C16orf95: variants seen among roughly 807,000 people sequenced by gnomAD.
C16orf95 encodes chromosome 16 open reading frame 95, also known as uncharacterized protein C16orf95.
In C16orf95, 41 loss-of-function variants were observed where a neutral mutation model predicts 32.1. The observed-to-expected ratio is 1.28, with a 90% CI of 1.00 to 1.66. The LOEUF is 1.66. C16orf95 is among the 40% of genes most tolerant of loss of function. The pLI, the probability that C16orf95 is intolerant of heterozygous loss-of-function variation, is 0.00. For synonymous variants in C16orf95, 147 were observed against 128.9 expected, an observed-to-expected ratio of 1.14 and a Z score of -0.95; for missense variants, 399 against 325.9, an observed-to-expected ratio of 1.22 and a Z score of -1.73.
At chr16:87,312,301 G>A (rs1911316374) in intron 3 of C16orf95, among the ~76,000 whole-genome samples, 1 of 152,196 alleles carries the variant, frequency 6.6e-6, no homozygotes, top group Admixed American at 6.5e-5. Flanking sequence ...GGGAGCAGTG[G>A]CTCATGCCAA....
At chr16:87,310,525 C>G (rs1911233339) in intron 4 of C16orf95, among the ~76,000 whole-genome samples, 192 bp from the exon 5 acceptor site, 1 of 152,210 alleles carries the variant, frequency 6.6e-6, no homozygotes, top group African/African-American at 2.4e-5. Context: ...AAACCAGCAA[C>G]TGGAAGTCAG....
Position 87,305,626 on chromosome 16 carries a change from A to T in C16orf95, c.701+93T>A. On this transcript the variant is annotated intron_variant, in intron 6 of 6. Coordinates refer to ENST00000567970, the MANE Select transcript of C16orf95 (RefSeq NM_001195124.3). This position sits in a 1 kb window ranked among gnomAD's most constrained non-coding sequence, Gnocchi z 4.2. ...CCTGTCAAGTTAAGCCCCACCCCCC[A>T]CTCTTCCACATCCCTGATGGCCACC... is the stretch of plus-strand genomic sequence containing the variant. The T allele has an allele frequency of 8.6e-7, 1 of 1,164,794 alleles. No individual in the cohort carries two copies. The highest frequency in any genetic ancestry group is 1.2e-6 in the Non-Finnish European group (1 of 861,594). 72.2% of individuals were successfully genotyped at this position (1,164,794 alleles called of 1,614,324 possible).
chr16:87,309,786 T>C (rs1006437596), intron 5 of C16orf95, among the ~76,000 whole-genome samples: 1 of 152,210 alleles, frequency 6.6e-6, no homozygotes, highest in Non-Finnish European at 1.5e-5. Flanking sequence ...ATCATGAACA[T>C]GTGAATGTAC....
At chr16:87,310,377 C>G (rs1353368531) in intron 4 of C16orf95, 44 bp from the exon 5 acceptor site, 1 of 1,533,222 alleles carries the variant, frequency 6.5e-7, no homozygotes, top group South Asian at 1.2e-5. Context: ...TGGCGACCCT[C>G]CAAGGGGGAA....
At chr16:87,306,441 G>C (rs1911035179) in intron 5 of C16orf95, among the ~76,000 whole-genome samples, 2 of 152,120 alleles carry the variant, frequency 1.3e-5, no homozygotes, top group Admixed American at 6.6e-5. Flanking sequence ...CTGGATACTA[G>C]AGTTTGTTTT....
chr16:87,316,332 G>A (rs1328066791), intron 1 of C16orf95, among the ~76,000 whole-genome samples: 1 of 152,180 alleles, frequency 6.6e-6, no homozygotes, highest in African/African-American at 2.4e-5. Context: ...CACAGCCTGT[G>A]TGGCTCTTCC....
In C16orf95 at chr16:87,305,844, C is replaced by T. The variant is rs141912735; in HGVS notation, c.576G>A (p.Leu192=). 22,914 of 1,483,524 alleles carry T rather than the reference C, an allele frequency of 0.015. 200 individuals carry two copies. Among genetic ancestry groups the T allele is most frequent in the Non-Finnish European group, 0.019 (21,018 of 1,123,156 alleles). The allele number at this position is 1,483,524 out of a possible 1,614,324, so 91.9% of individuals were successfully genotyped here. A position where few individuals can be genotyped will look rare whatever the true frequency, so the allele number is the denominator to read the frequency against. The change falls in exon 6 of 7, where the codon CTG becomes CTA. Residue 192 remains leucine, a synonymous_variant. Transcript: ENST00000567970. The surrounding 1 kb of genome is among the most constrained non-coding windows in gnomAD (Gnocchi z 4.2). ...NCWRICGDEC[L]LSKFQQLQAP... Reference sequence around the variant, plus strand: ...CCTGGAGCTGCTGGAACTTGGACAACAGGCACTCATCACCGCAGATCCGCC... The same window carrying T: ...CCTGGAGCTGCTGGAACTTGGACAATAGGCACTCATCACCGCAGATCCGCC...
chr16:87,309,757 G>C (rs376636905), intron 5 of C16orf95, among the ~76,000 whole-genome samples: 1 of 152,134 alleles, frequency 6.6e-6, no homozygotes, highest in African/African-American at 2.4e-5. Context: ...ATACATGAAT[G>C]TGAGTATATA....
chr16:87,303,073 T>C lies in C16orf95; in HGVS notation c.704A>G (p.Gln235Arg). The C allele has an allele frequency of 1.3e-6, 2 of 1,536,084 alleles. No individual in the cohort carries two copies. Among genetic ancestry groups the C allele is most frequent in the Non-Finnish European group, 1.7e-6 (2 of 1,146,884 alleles). ...AIPRVIMAIR[Q>R]CFGV ...ATTCCAACTTCAAACCCCAAAACAC[T>C]GGCTGGAAAGCAAAGAGAGACAGTT... The change falls in exon 7 of 7, where the codon CAG becomes CGG. Residue 235 changes from glutamine (Q) to arginine (R), a missense_variant and splice_region_variant. Gln to Arg is a conservative substitution (Grantham distance 43, BLOSUM62 1). Coordinates refer to ENST00000567970, the MANE Select transcript of C16orf95 (RefSeq NM_001195124.3).
intron 4 of C16orf95, among the ~76,000 whole-genome samples, chr16:87,310,685 C>T (rs1415061003): frequency 6.6e-6 from 1 of 152,166 alleles, no homozygotes; most frequent in Non-Finnish European, 1.5e-5. Flanking sequence ...AGGCCATCTA[C>T]TGGTGGTCCG....
rs986821096 is a variant in C16orf95 at position 87,317,132 on chromosome 16, C to T, written c.111G>A (p.Gly37=). 1.6e-5 allele frequency: 24 copies of T among 1,533,784 alleles called. No individual in the cohort carries two copies. The highest frequency in any genetic ancestry group is 2.0e-5 in the Non-Finnish European group (23 of 1,145,654). Residue 37 remains glycine, a synonymous_variant, in exon 1 of 7, where the codon GGG becomes GGA. Transcript: ENST00000567970. ...AAGGPGAGCV[G]LCRLALTPSA... is the part of the protein sequence containing the mutation. Reference sequence around the variant, plus strand: ...TGGGTGTGAGTGCCAACCTGCAGAGCCCGACGCACCCCGCGCCCGGCCCCC... The same window carrying T: ...TGGGTGTGAGTGCCAACCTGCAGAGTCCGACGCACCCCGCGCCCGGCCCCC...
chr16:87,306,572 A>C (rs1398719132), intron 5 of C16orf95, among the ~76,000 whole-genome samples: 1 of 152,224 alleles, frequency 6.6e-6, no homozygotes, highest in Non-Finnish European at 1.5e-5. Context: ...AGAGGAGAAA[A>C]GCACCTAAGT....
Position 87,317,189 on chromosome 16 carries a change from C to T in C16orf95, c.54G>A (p.Glu18=), listed in dbSNP as rs1213603721. ...CAGCGCCTGAGGCTGCTCCAGTGGC[C>T]TCATGATGATGGTGACAACGCCGCG... is the stretch of plus-strand genomic sequence containing the variant. ...PSPRRCHHHH[E]ATGAASGAAA... The change falls in exon 1 of 7, where the codon GAG becomes GAA. Residue 18 remains glutamate, a synonymous_variant. Coordinates refer to ENST00000567970, the MANE Select transcript of C16orf95 (RefSeq NM_001195124.3). The T allele has an allele frequency of 6.5e-7, 1 of 1,531,248 alleles. No individual in the cohort carries two copies. The allele number at this position is 1,531,248 out of a possible 1,614,324, so 94.9% of individuals were successfully genotyped here. A position where few individuals can be genotyped will look rare whatever the true frequency, so the allele number is the denominator to read the frequency against.
chr16:87,311,301 CAG>C lies in C16orf95; in HGVS notation c.331-7_331-6del. 4 of 1,525,430 alleles carry C rather than the reference CAG, an allele frequency of 2.6e-6. No homozygotes were observed. The East Asian group carries it at 9.8e-5, about 38-fold the overall frequency. The allele number at this position is 1,525,430 out of a possible 1,614,324, so 94.5% of individuals were successfully genotyped here. On this transcript the variant is annotated splice_polypyrimidine_tract_variant and splice_region_variant and intron_variant, in intron 3 of 6. Coordinates refer to ENST00000567970, the MANE Select transcript of C16orf95 (RefSeq NM_001195124.3). ...AAATTGAACCGTCTTTTGACTCTAA[CAG>C]AGAGGATGGGAGGAGAAGATTCAGA...
At position 87,317,297 on chromosome 16, in the gene C16orf95, A is replaced by T; in HGVS notation, c.-55T>A. On this transcript the variant is annotated 5_prime_UTR_variant, in exon 1 of 7. Transcript: ENST00000567970. ...ACACACACATCGTCCGCAGGCCCTG[A>T]CGCCCTGGCTCCCGCCTTTCCCTCC... The T allele has an allele frequency of 6.9e-7, 1 of 1,456,206 alleles. No individual in the cohort carries two copies. The highest frequency in any genetic ancestry group is 9.1e-7 in the Non-Finnish European group (1 of 1,102,782). 90.2% of individuals were successfully genotyped at this position (1,456,206 alleles called of 1,614,324 possible). A position where few individuals can be genotyped will look rare whatever the true frequency, so the allele number is the denominator to read the frequency against.
At position 87,305,433 on chromosome 16, in the gene C16orf95, CCTT is replaced by C. The variant is rs112662313; in HGVS notation, c.701+283_701+285del. ...AATTTATGGAAACTGGGACCCGTGT[CCTT>C]CTGGGAGCAGGGCCATTTTAGAACT... On this transcript the variant is annotated intron_variant, in intron 6 of 6. Transcript: ENST00000567970. This position sits in a 1 kb window ranked among gnomAD's most constrained non-coding sequence, Gnocchi z 4.2. 9.9e-5 allele frequency among the ~76,000 whole-genome samples: 15 copies of C among 151,508 alleles called. 1 individual carries two copies. Among genetic ancestry groups the C allele is most frequent in the African/African-American group, 3.6e-4 (15 of 41,404 alleles).
chr16:87,314,210 T>C (rs1904300817), intron 3 of C16orf95, among the ~76,000 whole-genome samples: 1 of 152,192 alleles, frequency 6.6e-6, no homozygotes, highest in Non-Finnish European at 1.5e-5. Flanking sequence ...CAAAGCCTTG[T>C]ACACAAATGT....
At chr16:87,315,117 A>C in intron 2 of C16orf95, 21 bp from the exon 3 acceptor site, 1 of 1,535,328 alleles carries the variant, frequency 6.5e-7, no homozygotes, top group Non-Finnish European at 8.7e-7. Flanking sequence ...TCCAGAAATG[A>C]CAGAACTGAG....
intron 1 of C16orf95, 89 bp downstream of exon 1, chr16:87,317,002 G>C (rs1904367867): frequency 1.4e-6 from 2 of 1,406,006 alleles, no homozygotes; most frequent in Non-Finnish European, 9.2e-7. Context: ...CAAGAGTTCT[G>C]CCTGTGCATA....
Sources: allele counts gnomAD v4.1 joint callset (sites outside exome capture counted in the v4.1 genomes callset), GRCh38; gene constraint gnomAD v4.1.1; non-coding constraint Gnocchi (gnomAD v3.1); transcripts MANE v1.5; gene names NCBI Gene and HGNC (gene_info 2026-07-23, HGNC 2026-07-21).